The following DNHD1 variants were observed in gnomAD, a reference collection of about 807,000 sequenced individuals.
DNHD1 encodes the protein dynein heavy chain domain-containing protein 1.
In DNHD1, 383 loss-of-function variants were observed where a neutral mutation model predicts 458.1. The ratio of observed to expected loss-of-function variants is 0.84; its 90% CI spans 0.77 to 0.91. The LOEUF (loss-of-function observed/expected upper bound fraction) is 0.91. DNHD1 is among the 40% of genes least tolerant of loss of function. The probability of loss-of-function intolerance (pLI) is 0.00; values close to 1 mark genes in which losing one functional copy is unlikely to be tolerated. For missense variants in DNHD1, 5,336 were observed against 5,866.1 expected, an observed-to-expected ratio of 0.91 and a Z score of 2.95; for synonymous variants, 2,203 against 2,376.9, an observed-to-expected ratio of 0.93 and a Z score of 2.13.
At chr11:6,528,434 TG>T in intron 10 of DNHD1, 87 bp from the exon 11 acceptor site, 1 of 1,311,590 alleles carries the variant, frequency 7.6e-7, no homozygotes, top group Non-Finnish European at 1.0e-6. Flanking sequence ...TGTGTGTGTG[TG>T]TACACACACT....
chr11:6,544,485 T>C, intron 19 of DNHD1, 89 bp from the exon 20 acceptor site: 1 of 1,153,878 alleles, frequency 8.7e-7, no homozygotes, highest in Non-Finnish European at 1.2e-6. Context: ...GCTGGTGGGG[T>C]ACCTGAGAGG....
At chr11:6,511,235 G>A in intron 6 of DNHD1, 38 bp from the exon 7 acceptor site, 1 of 1,605,382 alleles carries the variant, frequency 6.2e-7, no homozygotes, top group African/African-American at 1.3e-5. Flanking sequence ...AGGAAGGATT[G>A]GGATGCCAGC....
intron 37 of DNHD1, 83 bp downstream of exon 37, chr11:6,568,325 G>T: frequency 6.5e-7 from 1 of 1,544,260 alleles, no homozygotes; most frequent in South Asian, 1.2e-5. Flanking sequence ...CATGGCCAGT[G>T]ACCTAGCACC....
In DNHD1 at chr11:6,525,236, C is replaced by T. The variant is rs146227358; in HGVS notation, c.1838-3286C>T. 6.6e-5 allele frequency among the ~76,000 whole-genome samples: 10 copies of T among 152,312 alleles called. No homozygotes were observed. The East Asian group carries it at 1.9e-3, about 29-fold the overall frequency. On this transcript the variant is annotated intron_variant, in intron 10 of 42. Coordinates refer to ENST00000254579, the MANE Select transcript of DNHD1 (RefSeq NM_144666.3). ...CAGGAAAAGGAATCTTTTCCGGAAA[C>T]TCCCCATCAGACTCACTTTTACATC...
At chr11:6,503,560 T>G (rs535813706) in intron 4 of DNHD1, 2 of 152,400 alleles carry the variant, frequency 1.3e-5, no homozygotes, top group African/African-American at 4.8e-5. Flanking sequence ...CATGGCTCAC[T>G]GCAGTCTCAA....
chr11:6,524,718 T>C (rs1589874426), intron 10 of DNHD1, among the ~76,000 whole-genome samples: 1 of 152,334 alleles, frequency 6.6e-6, no homozygotes, highest in Non-Finnish European at 1.5e-5. Flanking sequence ...GGTTGCAGTC[T>C]TCAGCTATGC....
intron 24 of DNHD1, among the ~76,000 whole-genome samples, chr11:6,552,665 G>A (rs1184299883): frequency 1.3e-5 from 2 of 151,936 alleles, no homozygotes; most frequent in Non-Finnish European, 2.9e-5. Flanking sequence ...GGCGGGGTGG[G>A]GTGAAGAGAT....
intron 24 of DNHD1, among the ~76,000 whole-genome samples, chr11:6,555,868 T>C (rs1245179368): frequency 1.3e-5 from 2 of 152,194 alleles, no homozygotes; most frequent in African/African-American, 2.4e-5. Flanking sequence ...CTAAATATCA[T>C]TGGGGTGGTG....
intron 25 of DNHD1, 67 bp from the exon 26 acceptor site, chr11:6,558,418 T>A (rs766882360): frequency 1.4e-5 from 21 of 1,542,478 alleles, no homozygotes; most frequent in Non-Finnish European, 1.7e-5. Flanking sequence ...GTGGTCTGGC[T>A]GGGACTGGGG....
chr11:6,547,846 CA>C lies in DNHD1; in HGVS notation c.6728-16del, dbSNP rs1236536538. ...TTTCTACTGGGGCTCCTCTCGTGGC[CA>C]TGGCAACTTTCACAGAGGACCTCAG... is the stretch of plus-strand genomic sequence containing the variant. On this transcript the variant is annotated splice_polypyrimidine_tract_variant and intron_variant, in intron 21 of 42. Coordinates refer to ENST00000254579, the MANE Select transcript of DNHD1 (RefSeq NM_144666.3). 20 of 1,551,336 alleles carry C rather than the reference CA, an allele frequency of 1.3e-5. No homozygotes were observed. Among genetic ancestry groups the C allele is most frequent in the Non-Finnish European group, 1.7e-5 (20 of 1,146,850 alleles).
At chr11:6,499,067 A>G (rs1344389723) in intron 3 of DNHD1, 106 bp downstream of exon 3, 2 of 1,333,468 alleles carry the variant, frequency 1.5e-6, no homozygotes, top group Non-Finnish European at 2.0e-6. Context: ...TCTGTTTATC[A>G]CAGGGATTAG....
intron 24 of DNHD1, among the ~76,000 whole-genome samples, chr11:6,555,049 C>G (rs1183592780): frequency 1.3e-5 from 2 of 152,214 alleles, no homozygotes; most frequent in African/African-American, 4.8e-5. Context: ...AAGCGCCTCT[C>G]CCACCCAGCA....
At chr11:6,500,254 C>T (rs1300109344) in intron 3 of DNHD1, among the ~76,000 whole-genome samples, 1 of 152,252 alleles carries the variant, frequency 6.6e-6, no homozygotes, top group Admixed American at 6.5e-5. Flanking sequence ...GCATAAGCCA[C>T]CGTGCCCAAG....
At chr11:6,512,983 G>A (rs554538442) in intron 7 of DNHD1, among the ~76,000 whole-genome samples, 1 of 152,204 alleles carries the variant, frequency 6.6e-6, no homozygotes, top group African/African-American at 2.4e-5. Context: ...GAGGAAAGGG[G>A]CCAAAGGCAT....
At position 6,548,435 on chromosome 11, in the gene DNHD1, G is replaced by C; in HGVS notation, c.7098+33G>C. ...GACAGTAAGGCAAGAGCTGGGGTTA[G>C]AACTTCAGGACTTATTTTAGGGGTA... is the stretch of plus-strand genomic sequence containing the variant. On this transcript the variant is annotated intron_variant, in intron 23 of 42. Coordinates refer to ENST00000254579, the MANE Select transcript of DNHD1 (RefSeq NM_144666.3). The surrounding 1 kb of genome is among the most constrained non-coding windows in gnomAD (Gnocchi z 4.4). 1 of 1,545,262 alleles carries C rather than the reference G, an allele frequency of 6.5e-7. No individual in the cohort carries two copies. The highest frequency in any genetic ancestry group is 8.8e-7 in the Non-Finnish European group (1 of 1,142,792).
chr11:6,557,220 A>G lies in DNHD1; in HGVS notation c.7925A>G (p.Asn2642Ser). 1 of 1,551,606 alleles carries G rather than the reference A, an allele frequency of 6.4e-7. No homozygotes were observed. The highest frequency in any genetic ancestry group is 8.7e-7 in the Non-Finnish European group (1 of 1,146,990). Residue 2642 changes from asparagine (N) to serine (S), a missense_variant, in exon 25 of 43, where the codon AAT (asparagine) becomes AGT (serine). By Grantham distance (46) the Asn-to-Ser change is conservative. Transcript: ENST00000254579. ...CTGACCGTTATGATGGCCACACGCA[A>G]TGTGGTGCGTCTTTGGTTGCATGAG... The part of the protein sequence containing the change: ...TCLTVMMATR[N>S]VVRLWLHEAQ...
chr11:6,513,610 T>C (rs1852391493), intron 7 of DNHD1, among the ~76,000 whole-genome samples: 1 of 152,250 alleles, frequency 6.6e-6, no homozygotes, highest in Non-Finnish European at 1.5e-5. Flanking sequence ...ATATTCATTC[T>C]TCTATTGTGG....
At chr11:6,522,771 T>C (rs1852629903) in intron 10 of DNHD1, among the ~76,000 whole-genome samples, 1 of 152,268 alleles carries the variant, frequency 6.6e-6, no homozygotes, top group South Asian at 2.1e-4. Flanking sequence ...TACAAAATAA[T>C]TTCAATAGCC....
Position 6,499,059 on chromosome 11 carries a change from T to C in DNHD1, c.746+98T>C, listed in dbSNP as rs531326416. The C allele has an allele frequency of 2.0e-4, 275 of 1,376,502 alleles. 6 individuals are homozygous for C. In the South Asian group the frequency reaches 3.6e-3, roughly 18 times the overall value. 85.3% of individuals were successfully genotyped at this position (1,376,502 alleles called of 1,614,324 possible). A position where few individuals can be genotyped will look rare whatever the true frequency, so the allele number is the denominator to read the frequency against. On this transcript the variant is annotated intron_variant, in intron 3 of 42. Coordinates refer to ENST00000254579, the MANE Select transcript of DNHD1 (RefSeq NM_144666.3). ...ACTTGGAAGTTTAGATCCAGCTCTCTGTTTATCACAGGGATTAGCCCAACT... is the reference window on the plus strand; with the variant it reads ...ACTTGGAAGTTTAGATCCAGCTCTCCGTTTATCACAGGGATTAGCCCAACT...
Sources: allele counts gnomAD v4.1 joint callset (sites outside exome capture counted in the v4.1 genomes callset), GRCh38; gene constraint gnomAD v4.1.1; non-coding constraint Gnocchi (gnomAD v3.1); transcripts MANE v1.5; gene names NCBI Gene and HGNC (gene_info 2026-07-23, HGNC 2026-07-21).